TSPAN14: variants seen among roughly 807,000 people sequenced by gnomAD.
TSPAN14 encodes the protein tetraspanin 14.
A neutral mutation model predicts 36.6 loss-of-function variants in TSPAN14; 16 were observed. The observed-to-expected ratio is 0.44, with a 90% CI of 0.30 to 0.66. The LOEUF (loss-of-function observed/expected upper bound fraction) is 0.66. Ranked by LOEUF, TSPAN14 falls within the 30% of genes least tolerant of loss-of-function variation. The pLI is 0.12. For synonymous variants in TSPAN14, 139 were observed against 143.8 expected, an observed-to-expected ratio of 0.97 and a Z score of 0.24; for missense variants, 231 against 355.1, an observed-to-expected ratio of 0.65 and a Z score of 2.81.
rs188465608 is a variant in TSPAN14 at position 80,508,364 on chromosome 10, C to T, written c.280-937C>T. On this transcript the variant is annotated intron_variant, in intron 4 of 8. Transcript: ENST00000429989. ...CCATCTCCTGACCTTGTGATCCTCT[C>T]GCCTCGGCCTCCCAAAGTGCTGGGA... Among the ~76,000 whole-genome samples, 440 of 152,284 alleles carry T rather than the reference C, an allele frequency of 2.9e-3. 2 individuals are homozygous for T. The highest frequency in any genetic ancestry group is 8.0e-3 in the African/African-American group (332 of 41,568).
chr10:80,492,976 TTGCATGTCTGTTC>T (rs2132020052), intron 2 of TSPAN14, among the ~76,000 whole-genome samples: 1 of 152,306 alleles, frequency 6.6e-6, no homozygotes, highest in South Asian at 2.1e-4. Context: ...CCACTGATGT[TTGCATGTCTGTTC>T]TGAACCTCTT....
At chr10:80,489,383 A>C in intron 2 of TSPAN14, 69 bp downstream of exon 2, 2 of 1,130,654 alleles carry the variant, frequency 1.8e-6, no homozygotes, top group South Asian at 2.7e-5. Context: ...TTTTCCACAC[A>C]CTCTTGATTT....
chr10:80,470,378 C>T (rs1225363941), intron 1 of TSPAN14, among the ~76,000 whole-genome samples: 1 of 152,236 alleles, frequency 6.6e-6, no homozygotes, highest in Non-Finnish European at 1.5e-5. Flanking sequence ...TGCGCCCAGC[C>T]TTTCCTGAAT....
intron 2 of TSPAN14, among the ~76,000 whole-genome samples, chr10:80,491,529 A>G (rs1847920793): frequency 6.6e-6 from 1 of 152,190 alleles, no homozygotes; most frequent in Non-Finnish European, 1.5e-5. Flanking sequence ...CAGCTAGAGC[A>G]GCACTCTCCC....
chr10:80,470,147 G>A (rs1240905854), intron 1 of TSPAN14, among the ~76,000 whole-genome samples: 2 of 152,106 alleles, frequency 1.3e-5, no homozygotes, highest in Non-Finnish European at 2.9e-5. Flanking sequence ...GAGCAATGGT[G>A]CGTTCTCAGC....
Position 80,509,702 on chromosome 10 carries a change from C to T in TSPAN14, c.450+231C>T. The stretch of plus-strand genomic sequence containing the variant: ...ATTGGGATTGGGCAGGCAAGTCCAG[C>T]TGTACCCGAGGCCACCCACCCCCCA... On this transcript the variant is annotated intron_variant, in intron 5 of 8. Transcript: ENST00000429989. This position sits in a 1 kb window ranked among gnomAD's most constrained non-coding sequence, Gnocchi z 4.7. The T allele has an allele frequency of 1.8e-6, 1 of 548,564 alleles. No homozygotes were observed. Among genetic ancestry groups the T allele is most frequent in the South Asian group, 2.2e-5 (1 of 44,852 alleles). The allele number at this position is 548,564 out of a possible 1,614,324, so 34.0% of individuals were successfully genotyped here.
intron 1 of TSPAN14, among the ~76,000 whole-genome samples, chr10:80,463,794 G>A (rs553396425): frequency 2.6e-5 from 4 of 152,336 alleles, no homozygotes; most frequent in South Asian, 4.1e-4. Flanking sequence ...CTTTGATTCC[G>A]AAAGGGGGAA....
chr10:80,507,687 C>T (rs1840371103), intron 4 of TSPAN14, among the ~76,000 whole-genome samples: 1 of 152,262 alleles, frequency 6.6e-6, no homozygotes, highest in African/African-American at 2.4e-5. Context: ...TTGTCTGCTA[C>T]TGTCCTTTGC....
intron 3 of TSPAN14, 38 bp from the exon 4 acceptor site, chr10:80,507,190 C>G (rs1431181169): frequency 3.1e-6 from 5 of 1,613,698 alleles, no homozygotes; most frequent in Non-Finnish European, 4.2e-6. Flanking sequence ...GACTCCCCTT[C>G]TGGGCCAGTG....
At chr10:80,480,035 A>G (rs1847161504) in intron 1 of TSPAN14, among the ~76,000 whole-genome samples, 1 of 141,894 alleles carries the variant, frequency 7.0e-6, no homozygotes, top group African/African-American at 2.7e-5. Context: ...ATTCCTAGGT[A>G]TTTTCTTCTC....
chr10:80,464,557 C>T (rs372478462), intron 1 of TSPAN14, among the ~76,000 whole-genome samples: 1 of 152,124 alleles, frequency 6.6e-6, no homozygotes, highest in African/African-American at 2.4e-5. Flanking sequence ...GGCAGATAGA[C>T]CTCCTAAATA....
chr10:80,516,045 A>G, intron 7 of TSPAN14, 159 bp from the exon 8 acceptor site: 1 of 1,058,666 alleles, frequency 9.4e-7, no homozygotes, highest in East Asian at 2.5e-5. Context: ...AGAGGCTGAG[A>G]GGAGCTGACG....
At position 80,516,975 on chromosome 10, in the gene TSPAN14, C is replaced by T. The variant is rs117016096; in HGVS notation, c.741+652C>T. On this transcript the variant is annotated intron_variant, in intron 8 of 8. Transcript: ENST00000429989. ...GGGTGACTGGGCTGGTTGGTGACTG[C>T]TAGGAGAAGAACTGGCAGAGAAAGT... 8.3e-3 allele frequency among the ~76,000 whole-genome samples: 1,268 copies of T among 152,274 alleles called. 2 individuals carry two copies. The highest frequency in any genetic ancestry group is 0.011 in the Non-Finnish European group (771 of 68,008).
chr10:80,510,290 A>G (rs1840543773), intron 5 of TSPAN14, among the ~76,000 whole-genome samples: 1 of 152,264 alleles, frequency 6.6e-6, no homozygotes, highest in South Asian at 2.1e-4. Flanking sequence ...CACTCTCATT[A>G]TTAACCAAAA....
chr10:80,465,619 C>G (rs72819576), intron 1 of TSPAN14, among the ~76,000 whole-genome samples: 3,484 of 152,310 alleles, frequency 0.023, 51 homozygotes, highest in Middle Eastern at 0.041. Flanking sequence ...GATAGTGACA[C>G]CTACAGTGGG....
intron 2 of TSPAN14, among the ~76,000 whole-genome samples, 192 bp downstream of exon 2, chr10:80,489,506 T>C (rs968713215): frequency 6.6e-6 from 1 of 152,214 alleles, no homozygotes; most frequent in African/African-American, 2.4e-5. Flanking sequence ...GCCGAGGTGA[T>C]TGAAAGCCAG....
chr10:80,488,163 A>G (rs1311946988), intron 1 of TSPAN14, among the ~76,000 whole-genome samples: 2 of 151,862 alleles, frequency 1.3e-5, no homozygotes, highest in Non-Finnish European at 2.9e-5. Flanking sequence ...GCATGGGACC[A>G]CTGCCCTACG....
chr10:80,458,593 G>T (rs1052995110), intron 1 of TSPAN14, among the ~76,000 whole-genome samples: 1 of 152,188 alleles, frequency 6.6e-6, no homozygotes, highest in Non-Finnish European at 1.5e-5. Flanking sequence ...CTCACTCTTG[G>T]CAGGCTATCA....
intron 7 of TSPAN14, among the ~76,000 whole-genome samples, chr10:80,515,057 C>T (rs1840860360): frequency 6.6e-6 from 1 of 152,152 alleles, no homozygotes; most frequent in South Asian, 2.1e-4. Flanking sequence ...GTTTATAAGC[C>T]ACCTAATCTA....
Sources: allele counts gnomAD v4.1 joint callset (sites outside exome capture counted in the v4.1 genomes callset), GRCh38; gene constraint gnomAD v4.1.1; non-coding constraint Gnocchi (gnomAD v3.1); transcripts MANE v1.5; gene names NCBI Gene and HGNC (gene_info 2026-07-23, HGNC 2026-07-21).